GREB1: variants seen among roughly 807,000 people sequenced by gnomAD.
The protein encoded by GREB1 is growth regulating estrogen receptor binding 1.
Under a neutral mutation model 200.7 loss-of-function variants are expected in GREB1, and 106 were observed. The ratio of observed to expected loss-of-function variants is 0.53; its 90% CI spans 0.45 to 0.62. The LOEUF (loss-of-function observed/expected upper bound fraction) is 0.62, where lower values mean the gene tolerates loss of function less well. GREB1 is among the 20% of genes least tolerant of loss of function. GREB1 has a pLI of 0.00. For missense variants in GREB1, 2,243 were observed against 2,556.8 expected (o/e 0.88, Z 2.65); for synonymous variants, 1,132 against 1,092.4 (o/e 1.04, Z -0.72).
intron 12 of GREB1, 77 bp downstream of exon 12, chr2:11,595,456 C>T: frequency 1.4e-6 from 2 of 1,465,456 alleles, no homozygotes; most frequent in Non-Finnish European, 1.9e-6. Context: ...TCATCTCTGC[C>T]TCACCCTGCC....
chr2:11,507,468 G>T (rs994980612), intron 1 of GREB1, among the ~76,000 whole-genome samples: 4 of 150,888 alleles, frequency 2.7e-5, no homozygotes, highest in African/African-American at 7.3e-5. Flanking sequence ...AGCATCAAAA[G>T]TGGCCCTGTA....
chr2:11,637,050 AGGCAGG>A (rs1408918272), intron 30 of GREB1, among the ~76,000 whole-genome samples: 1 of 39,292 alleles, frequency 2.5e-5, no homozygotes, highest in Non-Finnish European at 5.5e-5. Context: ...GTAGGGACAG[AGGCAGG>A]GGCAGGGACA....
rs1310707324 is a variant in GREB1 at position 11,538,934 on chromosome 2, CTCCCCTCCCCTCGTG to C, written c.-162+4693_-162+4707del. On this transcript the variant is annotated intron_variant, in intron 1 of 32. Transcript: ENST00000381486. ...TCCCCCTCCCCTCCCCTCGTGTCCC[CTCCCCTCCCCTCGTG>C]TCCCCTCCCCTCCTCTCCCCTCCCT... Among the ~76,000 whole-genome samples, 20 of 16,950 alleles carry C rather than the reference CTCCCCTCCCCTCGTG, an allele frequency of 1.2e-3. 1 individual carries two copies. Among genetic ancestry groups the C allele is most frequent in the African/African-American group, 1.5e-3 (13 of 8,772 alleles). The allele number at this position is 16,950 out of a possible 152,430, so 11.1% of individuals were successfully genotyped here.
At chr2:11,530,533 CT>C (rs1323658047), upstream of GREB1, among the ~76,000 whole-genome samples, 1 of 144,398 alleles carries the variant, frequency 6.9e-6, no homozygotes, top group Non-Finnish European at 1.5e-5. Context: ...CACCACTGCT[CT>C]CCAGCCTGAG....
chr2:11,557,167 G>T (rs1262450445), intron 2 of GREB1, among the ~76,000 whole-genome samples: 1 of 152,040 alleles, frequency 6.6e-6, no homozygotes, highest in Admixed American at 6.5e-5. Context: ...GTAATAGTAG[G>T]TATGAGAACT....
rs1189350669 is a variant in GREB1 at position 11,616,694 on chromosome 2, C to A, written c.3386C>A (p.Ser1129Tyr). The change falls in exon 21 of 33, where the codon TCC (serine) becomes TAC (tyrosine). Residue 1129 changes from serine (S) to tyrosine (Y), a missense_variant. Physicochemically the swap from Ser to Tyr is moderately radical, Grantham distance 144. This residue lies in a region of GREB1 where 587 missense variants were observed against 553.1 expected (regional missense o/e 1.06). Coordinates refer to ENST00000381486, the MANE Select transcript of GREB1 (RefSeq NM_014668.4). ...AGGTCCCGCTCCCACGACTCAGCATCCTCATCCCTCTCCTCCAAGGCTTCC... is the reference window on the plus strand; with the variant it reads ...AGGTCCCGCTCCCACGACTCAGCATACTCATCCCTCTCCTCCAAGGCTTCC... ...RERSRSHDSA[S>Y]SSLSSKASGS... 6.2e-7 allele frequency: 1 copy of A among 1,611,668 alleles called. No individual in the cohort carries two copies. Among genetic ancestry groups the A allele is most frequent in the Non-Finnish European group, 8.5e-7 (1 of 1,177,766 alleles).
At chr2:11,631,371 T>C (rs1176457232) in intron 26 of GREB1, among the ~76,000 whole-genome samples, 1 of 152,238 alleles carries the variant, frequency 6.6e-6, no homozygotes, top group East Asian at 1.9e-4. Context: ...ACAAGAATAA[T>C]GTGTGCTCTG....
chr2:11,569,418 C>T (rs1332666213), intron 4 of GREB1, among the ~76,000 whole-genome samples: 3 of 152,050 alleles, frequency 2.0e-5, no homozygotes, highest in African/African-American at 7.2e-5. Flanking sequence ...CATCCATGTG[C>T]GACATGGTCC....
chr2:11,589,302 T>C (rs149856866), intron 10 of GREB1, among the ~76,000 whole-genome samples: 1 of 152,284 alleles, frequency 6.6e-6, no homozygotes, highest in Non-Finnish European at 1.5e-5. Context: ...TGTGTTTGTA[T>C]GGGGTCAGTT....
In GREB1 at chr2:11,640,243, G is replaced by T; in HGVS notation, c.5687-48G>T. ...GAATCCGGGCAGCCGCTTTCCTCTG[G>T]ATAAACTCACCTTTTCCCTTCCCAC... On this transcript the variant is annotated intron_variant, in intron 32 of 32. Coordinates refer to ENST00000381486, the MANE Select transcript of GREB1 (RefSeq NM_014668.4). The surrounding 1 kb of genome is among the most constrained non-coding windows in gnomAD (Gnocchi z 4.6). 1 of 1,573,482 alleles carries T rather than the reference G, an allele frequency of 6.4e-7. No individual in the cohort carries two copies.
intron 1 of GREB1, among the ~76,000 whole-genome samples, chr2:11,539,052 T>TCCTCCTTTCTCCCTTCTCCTCC (rs1674534980): frequency 7.2e-6 from 1 of 139,774 alleles, no homozygotes; most frequent in African/African-American, 2.6e-5. Flanking sequence ...TCTTCTCTTC[T>TCCTCCTTTCTCCCTTCTCCTCC]CTTCTCTTCT....
intron 3 of GREB1, 26 bp from the exon 4 acceptor site, chr2:11,566,454 G>T (rs577450569): frequency 1.3e-6 from 2 of 1,583,462 alleles, no homozygotes; most frequent in Non-Finnish European, 1.7e-6. Context: ...CCTGGGCAGC[G>T]TGTGAACCCT....
chr2:11,487,467 C>A lies in GREB1; in HGVS notation c.-159+5086C>A, dbSNP rs374091136. On this transcript the variant is annotated intron_variant, in intron 1 of 2. Transcript: ENST00000628795. ...ATTTATGTCTTAATTTTGTCTGCATCCCTTGAGTCCCCAGCCAAGGCTTGG... is the reference window on the plus strand; with the variant it reads ...ATTTATGTCTTAATTTTGTCTGCATACCTTGAGTCCCCAGCCAAGGCTTGG... Among the ~76,000 whole-genome samples the A allele has an allele frequency of 8.4e-4, 128 of 152,236 alleles. 1 individual carries two copies. In the South Asian group the frequency reaches 0.026, roughly 31 times the overall value.
chr2:11,488,517 G>A (rs1157655280), intron 1 of GREB1, among the ~76,000 whole-genome samples: 3 of 152,146 alleles, frequency 2.0e-5, no homozygotes, highest in African/African-American at 7.2e-5. Context: ...GAGGCCGGGT[G>A]CAGTGGCTCA....
Position 11,642,723 on chromosome 2 carries a change from G to GA in GREB1, c.*2275dup, listed in dbSNP as rs976782357. On this transcript the variant is annotated 3_prime_UTR_variant, in exon 33 of 33. Coordinates refer to ENST00000381486, the MANE Select transcript of GREB1 (RefSeq NM_014668.4). Reference sequence around the variant, plus strand: ...CCACTTTATTAGTTAATTTAAATTGGAAAAAACCCTCAAACTAATATTCTT... The same window carrying GA: ...CCACTTTATTAGTTAATTTAAATTGGAAAAAAACCCTCAAACTAATATTCTT... The GA allele has an allele frequency of 2.0e-5, 3 of 151,928 alleles. No homozygotes were observed. The highest frequency in any genetic ancestry group is 2.1e-4 in the South Asian group (1 of 4,796). The allele number at this position is 151,928 out of a possible 1,614,324, so 9.4% of individuals were successfully genotyped here.
At chr2:11,614,572 G>A (rs1272609308) in intron 19 of GREB1, among the ~76,000 whole-genome samples, 1 of 151,272 alleles carries the variant, frequency 6.6e-6, no homozygotes, top group Non-Finnish European at 1.5e-5. Context: ...GTTGTTGTTT[G>A]TTTTGTTTTG....
At chr2:11,496,535 T>C (rs544097294) in intron 1 of GREB1, among the ~76,000 whole-genome samples, 2 of 123,684 alleles carry the variant, frequency 1.6e-5, no homozygotes, top group South Asian at 3.0e-4. Context: ...CCGTCACATG[T>C]CTGACGAACA....
At chr2:11,517,075 C>T (rs1673532466) in intron 1 of GREB1, among the ~76,000 whole-genome samples, 1 of 152,168 alleles carries the variant, frequency 6.6e-6, no homozygotes, top group African/African-American at 2.4e-5. Context: ...TGGAAGGTTC[C>T]CTGGTGTGAG....
intron 2 of GREB1, among the ~76,000 whole-genome samples, chr2:11,560,555 G>A (rs930897110): frequency 2.0e-5 from 3 of 152,098 alleles, no homozygotes; most frequent in Non-Finnish European, 4.4e-5. Flanking sequence ...ACAAAAATTC[G>A]TTGGGCGTAA....
Sources: allele counts gnomAD v4.1 joint callset (sites outside exome capture counted in the v4.1 genomes callset), GRCh38; gene constraint gnomAD v4.1.1; regional missense constraint gnomAD v4.1.1; non-coding constraint Gnocchi (gnomAD v3.1); transcripts MANE v1.5; gene names NCBI Gene and HGNC (gene_info 2026-07-23, HGNC 2026-07-21).